ZNF385D: variants seen among roughly 807,000 people sequenced by gnomAD.
The protein encoded by ZNF385D is zinc finger protein 385D, also known as zinc finger protein 659.
In ZNF385D, 15 loss-of-function variants were observed where a neutral mutation model predicts 35.8. That is an observed-to-expected ratio of 0.42 (90% CI 0.28 to 0.64). The LOEUF is 0.64. ZNF385D is among the 30% of genes least tolerant of loss of function. The pLI is 0.23. For synonymous variants in ZNF385D, 212 were observed against 186.8 expected (o/e 1.13, Z -1.10); for missense variants, 474 against 494.6 (o/e 0.96, Z 0.39).
chr3:21,412,822 A>C lies in ZNF385D; in HGVS notation c.*8392T>G, dbSNP rs1274262377. The C allele has an allele frequency of 6.6e-6, 1 of 152,140 alleles. No individual in the cohort carries two copies. Among genetic ancestry groups the C allele is most frequent in the Non-Finnish European group, 1.5e-5 (1 of 67,990 alleles). The allele number at this position is 152,140 out of a possible 1,614,324, so 9.4% of individuals were successfully genotyped here. A position where few individuals can be genotyped will look rare whatever the true frequency, so the allele number is the denominator to read the frequency against. On this transcript the variant is annotated 3_prime_UTR_variant, in exon 8 of 8. Coordinates refer to ENST00000281523, the MANE Select transcript of ZNF385D (RefSeq NM_024697.3). ...TTTAACTTAGTACAGGACCACAGAC[A>C]AGATAAACTGTGCTATATTTTACAT...
chr3:22,276,487 C>T (rs1186429093), intron 2 of ZNF385D, among the ~76,000 whole-genome samples: 3 of 152,080 alleles, frequency 2.0e-5, no homozygotes, highest in Non-Finnish European at 2.9e-5. Context: ...AACTCTTTAG[C>T]CATAGAAGCT....
At chr3:21,792,758 G>A (rs963603977) in intron 3 of ZNF385D, among the ~76,000 whole-genome samples, 1 of 152,114 alleles carries the variant, frequency 6.6e-6, no homozygotes, top group Non-Finnish European at 1.5e-5. Context: ...ATTGCATAAA[G>A]TTCAATGTCC....
At chr3:21,633,761 C>T (rs930916024) in intron 2 of ZNF385D, among the ~76,000 whole-genome samples, 1 of 152,092 alleles carries the variant, frequency 6.6e-6, no homozygotes, top group African/African-American at 2.4e-5. Flanking sequence ...AAGAATAAAA[C>T]TGCCTATTTC....
intron 3 of ZNF385D, among the ~76,000 whole-genome samples, chr3:22,102,814 G>A (rs561707077): frequency 5.5e-4 from 83 of 150,536 alleles, no homozygotes; most frequent in Non-Finnish European, 1.1e-3. Flanking sequence ...TGATCACTGC[G>A]AAAGGACTCA....
chr3:21,919,303 T>G (rs4094000), intron 3 of ZNF385D, among the ~76,000 whole-genome samples: 1 of 151,964 alleles, frequency 6.6e-6, no homozygotes, highest in African/African-American at 2.4e-5. Flanking sequence ...TCAGGGAGTT[T>G]GACATTTCAT....
chr3:22,335,517 A>G (rs952320409), intron 2 of ZNF385D, among the ~76,000 whole-genome samples: 11 of 152,148 alleles, frequency 7.2e-5, no homozygotes, highest in Non-Finnish European at 1.2e-4. Context: ...CAGATCTTTT[A>G]ACAAAAGCCT....
chr3:22,000,705 T>C lies in ZNF385D; in HGVS notation c.325+168112A>G, dbSNP rs143805830. Among the ~76,000 whole-genome samples, 21 of 151,788 alleles carry C rather than the reference T, an allele frequency of 1.4e-4. No homozygotes were observed. The East Asian group carries it at 3.9e-3, about 28-fold the overall frequency. On this transcript the variant is annotated intron_variant, in intron 3 of 5. Transcript: ENST00000494108. Reference sequence around the variant, plus strand: ...CTCCAACAGACTAATAGCAGATTAATAGCAGAAACCTTACAGGCCAGGAGA... The same window carrying C: ...CTCCAACAGACTAATAGCAGATTAACAGCAGAAACCTTACAGGCCAGGAGA...
At chr3:22,140,444 TAGG>T (rs1704436418) in intron 3 of ZNF385D, among the ~76,000 whole-genome samples, 2 of 152,120 alleles carry the variant, frequency 1.3e-5, no homozygotes, top group South Asian at 4.1e-4. Flanking sequence ...ATGAAGATGT[TAGG>T]AGTAGAGCAA....
At chr3:22,214,367 G>C (rs907325776) in intron 2 of ZNF385D, among the ~76,000 whole-genome samples, 1 of 152,116 alleles carries the variant, frequency 6.6e-6, no homozygotes. Context: ...CAAATTGTTT[G>C]TAGGGCATGT....
At chr3:22,038,605 T>C (rs1166158405) in intron 3 of ZNF385D, among the ~76,000 whole-genome samples, 1 of 152,186 alleles carries the variant, frequency 6.6e-6, no homozygotes, top group Non-Finnish European at 1.5e-5. Context: ...CAGTCCTCAT[T>C]TGCTTTTTTA....
chr3:21,760,426 A>C (rs987356997), intron 3 of ZNF385D, among the ~76,000 whole-genome samples: 16 of 152,144 alleles, frequency 1.1e-4, no homozygotes, highest in African/African-American at 3.4e-4. Context: ...GCCTCTTATA[A>C]AGTATCTTCA....
At chr3:22,214,447 G>T (rs1697727391) in intron 2 of ZNF385D, among the ~76,000 whole-genome samples, 1 of 152,090 alleles carries the variant, frequency 6.6e-6, no homozygotes, top group Non-Finnish European at 1.5e-5. Flanking sequence ...CAGGGAACAA[G>T]AGAGATAACC....
chr3:21,565,066 A>T (rs1313576897), intron 2 of ZNF385D, among the ~76,000 whole-genome samples: 1 of 152,204 alleles, frequency 6.6e-6, no homozygotes, highest in Non-Finnish European at 1.5e-5. Context: ...ATGGATTTCA[A>T]AATAGACTGG....
At chr3:21,839,569 T>G (rs1271719975) in intron 3 of ZNF385D, among the ~76,000 whole-genome samples, 1 of 152,142 alleles carries the variant, frequency 6.6e-6, no homozygotes, top group Non-Finnish European at 1.5e-5. Context: ...TAGCTTTTTC[T>G]ATGATAACTA....
At chr3:21,795,446 G>T (rs1228541327) in intron 3 of ZNF385D, among the ~76,000 whole-genome samples, 1 of 152,262 alleles carries the variant, frequency 6.6e-6, no homozygotes, top group East Asian at 1.9e-4. Context: ...TGGTGGAATG[G>T]TAGCCGTGTG....
At chr3:21,471,719 A>C (rs369597267) in intron 4 of ZNF385D, among the ~76,000 whole-genome samples, 1 of 152,144 alleles carries the variant, frequency 6.6e-6, no homozygotes, top group African/African-American at 2.4e-5. Flanking sequence ...ATGATGGGAA[A>C]CATTTCCCTT....
chr3:21,944,565 G>A (rs975317209), intron 3 of ZNF385D, among the ~76,000 whole-genome samples: 3 of 152,130 alleles, frequency 2.0e-5, no homozygotes, highest in Admixed American at 6.5e-5. Context: ...CTGAAATTAC[G>A]TCAACCCTGT....
At chr3:21,744,024 T>A (rs888569942) in intron 1 of ZNF385D, among the ~76,000 whole-genome samples, 12 of 152,156 alleles carry the variant, frequency 7.9e-5, no homozygotes, top group Admixed American at 3.9e-4. Context: ...CTTCCATTCA[T>A]AAAAATATCT....
chr3:22,327,858 G>C (rs1694750567), intron 2 of ZNF385D, among the ~76,000 whole-genome samples: 1 of 152,102 alleles, frequency 6.6e-6, no homozygotes, highest in Admixed American at 6.5e-5. Flanking sequence ...ATTTCTTAAG[G>C]CATTTCTCTT....
Sources: allele counts gnomAD v4.1 joint callset (sites outside exome capture counted in the v4.1 genomes callset), GRCh38; gene constraint gnomAD v4.1.1; transcripts MANE v1.5; gene names NCBI Gene and HGNC (gene_info 2026-07-23, HGNC 2026-07-21).